Variants in AASDH observed in about 807,000 individuals in gnomAD.
The protein encoded by AASDH is aminoadipate-semialdehyde dehydrogenase.
Under a neutral mutation model 102.3 loss-of-function variants are expected in AASDH, and 81 were observed. That is an observed-to-expected ratio of 0.79 (90% CI 0.66 to 0.95). The LOEUF is 0.95. Ranked by LOEUF, AASDH falls within the 40% of genes least tolerant of loss-of-function variation. The pLI, the probability that AASDH is intolerant of heterozygous loss-of-function variation, is 0.00. For missense variants in AASDH, 1,203 were observed against 1,266.2 expected (o/e 0.95, Z 0.76); for synonymous variants, 398 against 454.0 (o/e 0.88, Z 1.57).
At chr4:56,372,528 T>C (rs1023227163) in intron 4 of AASDH, among the ~76,000 whole-genome samples, 2 of 152,230 alleles carry the variant, frequency 1.3e-5, no homozygotes, top group African/African-American at 2.4e-5. Flanking sequence ...TGGATAGTCA[T>C]TGTGGAGCCT....
rs778828612 is a variant in AASDH, at chr4:56,354,098, G to A, written c.1324C>T (p.Arg442Ter). The change falls in exon 8 of 15, where the codon CGA becomes TGA. Residue 442 changes from arginine to a stop codon, truncating the protein, a stop_gained. Transcript: ENST00000205214. LOFTEE classifies it high-confidence loss of function. ...VKDGEIFFLGRKDSQIKRHGK... is the reference protein window; with the variant it reads ...VKDGEIFFLG ...TGACGTTTGATCTGACTGTCTTTTC[G>A]TCCCAAAAAAAAAATCTCTCCATCT... The A allele has an allele frequency of 6.2e-6, 10 of 1,612,066 alleles. No individual in the cohort carries two copies. The highest frequency in any genetic ancestry group is 2.2e-5 in the East Asian group (1 of 44,786).
intron 2 of AASDH, among the ~76,000 whole-genome samples, chr4:56,383,534 G>GAATAGAAATCAC (rs1331211336): frequency 2.0e-5 from 3 of 152,104 alleles, no homozygotes; most frequent in Non-Finnish European, 4.4e-5. Context: ...CAGAGTTCTA[G>GAATAGAAATCAC]AATAGAAATC....
intron 3 of AASDH, 69 bp from the exon 4 acceptor site, chr4:56,378,533 A>T: frequency 1.6e-6 from 2 of 1,267,906 alleles, no homozygotes; most frequent in Non-Finnish European, 2.1e-6. Flanking sequence ...ATATAGAAGT[A>T]ATATGAAATA....
At chr4:56,377,979 A>AT (rs1352093390) in intron 4 of AASDH, among the ~76,000 whole-genome samples, 169 bp downstream of exon 4, 1 of 151,858 alleles carries the variant, frequency 6.6e-6, no homozygotes, top group Non-Finnish European at 1.5e-5. Context: ...TGATTTTTGT[A>AT]TTTTTTCAGT....
Position 56,350,373 on chromosome 4 carries a change from G to A in AASDH, c.1693-315C>T, listed in dbSNP as rs187467308. Among the ~76,000 whole-genome samples, 393 of 152,216 alleles carry A rather than the reference G, an allele frequency of 2.6e-3. 4 individuals are homozygous for A. Among genetic ancestry groups the A allele is most frequent in the African/African-American group, 8.9e-3 (369 of 41,542 alleles). Reference sequence around the variant, plus strand: ...GGAGGCTGAGGCAAGAGAATCGCTTGAACCCAGGGGGTGGAGGTTGCAGTG... The same window carrying A: ...GGAGGCTGAGGCAAGAGAATCGCTTAAACCCAGGGGGTGGAGGTTGCAGTG... On this transcript the variant is annotated intron_variant, in intron 10 of 14. Transcript: ENST00000205214.
rs1358573991 is a variant in AASDH at position 56,342,819 on chromosome 4, T to C, written c.2907+16A>G. 3.7e-5 allele frequency: 47 copies of C among 1,265,104 alleles called. No homozygotes were observed. Among genetic ancestry groups the C allele is most frequent in the Non-Finnish European group, 4.6e-5 (45 of 984,940 alleles). The allele number at this position is 1,265,104 out of a possible 1,614,324, so 78.4% of individuals were successfully genotyped here. A position where few individuals can be genotyped will look rare whatever the true frequency, so the allele number is the denominator to read the frequency against. ...TATATAAAAATGTATATATAAAAAA[T>C]TTCTAGTTCTATTACCTGTTCTCCA... On this transcript the variant is annotated intron_variant, in intron 14 of 14. Coordinates refer to ENST00000205214, the MANE Select transcript of AASDH (RefSeq NM_181806.4).
At chr4:56,384,989 A>C in intron 1 of AASDH, among the ~76,000 whole-genome samples, 1 of 152,316 alleles carries the variant, frequency 6.6e-6, no homozygotes, top group East Asian at 1.9e-4. Flanking sequence ...CAGGCGAATC[A>C]CTTGAACCCA....
In AASDH at chr4:56,355,417, G is replaced by A; in HGVS notation, c.868C>T (p.Pro290Ser). The change falls in exon 6 of 15, where the codon CCA becomes TCA. Residue 290 changes from proline to serine, a missense_variant. Coordinates refer to ENST00000205214, the MANE Select transcript of AASDH (RefSeq NM_181806.4). ...GATCCAAATCTTCTAAGCAATGTTG[G>A]TGTTGCCTGTAGATACATTAAAAAT... is the stretch of plus-strand genomic sequence containing the variant. ...HHRVTVLQAT[P>S]TLLRRFGSQL... 6.2e-7 allele frequency: 1 copy of A among 1,613,306 alleles called. No individual in the cohort carries two copies. The highest frequency in any genetic ancestry group is 8.5e-7 in the Non-Finnish European group (1 of 1,179,412).
intron 11 of AASDH, 114 bp downstream of exon 11, chr4:56,349,149 G>C (rs1748669575): frequency 8.8e-7 from 1 of 1,133,096 alleles, no homozygotes; most frequent in Admixed American, 2.7e-5. Context: ...TATAATTTTT[G>C]GACAGCAACC....
chr4:56,356,092 T>G, intron 5 of AASDH: 1 of 603,190 alleles, frequency 1.7e-6, no homozygotes, highest in Non-Finnish European at 2.9e-6. Context: ...TACAAAAGGG[T>G]TTAAAAATGT....
At chr4:56,372,700 G>T (rs189180819) in intron 4 of AASDH, among the ~76,000 whole-genome samples, 1 of 152,202 alleles carries the variant, frequency 6.6e-6, no homozygotes, top group African/African-American at 2.4e-5. Flanking sequence ...TGTAGGGGCC[G>T]AAAGGCTGTG....
Position 56,349,289 on chromosome 4 carries a change from G to GAT in AASDH, c.2460_2461dup (p.Ser821TyrfsTer16). Reference sequence around the variant, plus strand: ...CACCACAATAAAGTTTCCACACTTAGATACACATGCTGAGGATTCAATTCG... The same window carrying GAT: ...CACCACAATAAAGTTTCCACACTTAGATATACACATGCTGAGGATTCAATTCG... On this transcript the variant is annotated frameshift_variant, in exon 11 of 15. Coordinates refer to ENST00000205214, the MANE Select transcript of AASDH (RefSeq NM_181806.4). LOFTEE classifies it high-confidence loss of function. 6.2e-7 allele frequency: 1 copy of GAT among 1,614,128 alleles called. No homozygotes were observed. The highest frequency in any genetic ancestry group is 1.3e-5 in the African/African-American group (1 of 75,020).
At chr4:56,380,647 T>C (rs1407332901) in intron 3 of AASDH, among the ~76,000 whole-genome samples, 1 of 152,214 alleles carries the variant, frequency 6.6e-6, no homozygotes, top group African/African-American at 2.4e-5. Flanking sequence ...TATTAACTTT[T>C]CTCTCCAACT....
chr4:56,361,589 G>A (rs993078501), intron 5 of AASDH, among the ~76,000 whole-genome samples: 1 of 152,060 alleles, frequency 6.6e-6, no homozygotes, highest in African/African-American at 2.4e-5. Flanking sequence ...TTTCTTCCGA[G>A]TTTTTTAAGG....
intron 11 of AASDH, 176 bp downstream of exon 11, chr4:56,349,087 T>C (rs1748661588): frequency 1.5e-6 from 1 of 673,222 alleles, no homozygotes; most frequent in Middle Eastern, 4.1e-4. Context: ...TAGGTTCAAA[T>C]CCAGGGACTC....
chr4:56,346,372 G>A (rs1748331520), intron 11 of AASDH, among the ~76,000 whole-genome samples: 1 of 152,106 alleles, frequency 6.6e-6, no homozygotes, highest in African/African-American at 2.4e-5. Flanking sequence ...CTACATAGTA[G>A]AGCACCCCAG....
intron 5 of AASDH, among the ~76,000 whole-genome samples, chr4:56,365,156 CAAG>C (rs1371962293): frequency 6.6e-6 from 1 of 152,074 alleles, no homozygotes; most frequent in African/African-American, 2.4e-5. Context: ...ATCAATTCAA[CAAG>C]AAGAGCTAAC....
intron 5 of AASDH, among the ~76,000 whole-genome samples, chr4:56,361,724 C>A (rs1249729793): frequency 6.6e-6 from 1 of 152,150 alleles, no homozygotes; most frequent in Non-Finnish European, 1.5e-5. Context: ...AATCCTAGCA[C>A]TTCAGGAGGC....
At position 56,368,290 on chromosome 4, in the gene AASDH, C is replaced by T. The variant is rs993891536; in HGVS notation, c.861+3161G>A. 1.2e-4 allele frequency among the ~76,000 whole-genome samples: 18 copies of T among 152,236 alleles called. No homozygotes were observed. In the South Asian group the frequency reaches 2.5e-3, roughly 21 times the overall value. On this transcript the variant is annotated intron_variant, in intron 5 of 14. Transcript: ENST00000205214. ...TTGGTGGGACTGTAAACTAGTTTAA[C>T]CATTGTGGAAGTCAGTGTGGCGATT...
Sources: gnomAD v4.1 joint callset for allele counts (sites outside exome capture counted in the v4.1 genomes callset) on GRCh38, gnomAD v4.1.1 for gene constraint, MANE v1.5 for transcripts, NCBI Gene and HGNC (gene_info 2026-07-23, HGNC 2026-07-21) for gene names.